The following AGBL4 variants were observed in gnomAD, a reference collection of about 807,000 sequenced individuals.
AGBL4 encodes the protein AGBL carboxypeptidase 4.
A neutral mutation model predicts 66.4 loss-of-function variants in AGBL4; 58 were observed. That is an observed-to-expected ratio of 0.87 (90% CI 0.71 to 1.09). The LOEUF (loss-of-function observed/expected upper bound fraction) is 1.09, where lower values mean the gene tolerates loss of function less well. Among genes scored for constraint, AGBL4 ranks in the 50% least tolerant of loss-of-function variants. AGBL4 has a pLI of 0.00. For synonymous variants in AGBL4, 234 were observed against 222.9 expected (o/e 1.05, Z -0.44); for missense variants, 579 against 631.0 (o/e 0.92, Z 0.88).
At chr1:49,734,830 A>C (rs1649735859) in intron 2 of AGBL4, among the ~76,000 whole-genome samples, 3 of 152,002 alleles carry the variant, frequency 2.0e-5, no homozygotes, top group Admixed American at 2.0e-4. Flanking sequence ...AAAAATAATA[A>C]TAATCATGGG....
chr1:49,573,146 CTGTGTG>C (rs57980631), intron 3 of AGBL4, among the ~76,000 whole-genome samples: 12,167 of 136,558 alleles, frequency 0.089, 566 homozygotes, highest in African/African-American at 0.15. Flanking sequence ...GTGTGTGTGT[CTGTGTG>C]TGTGTGTGTG....
chr1:49,379,320 C>T (rs1403382159), intron 3 of AGBL4, among the ~76,000 whole-genome samples: 1 of 152,110 alleles, frequency 6.6e-6, no homozygotes, highest in Non-Finnish European at 1.5e-5. Context: ...TCTTACCTCA[C>T]CAATTAGATA....
chr1:49,820,900 C>A (rs1645352941), intron 2 of AGBL4, among the ~76,000 whole-genome samples: 1 of 152,178 alleles, frequency 6.6e-6, no homozygotes, highest in Admixed American at 6.5e-5. Context: ...ATCTTAATTT[C>A]TTCAACTTCC....
At chr1:49,160,658 C>T (rs1353934933) in intron 4 of AGBL4, among the ~76,000 whole-genome samples, 1 of 152,180 alleles carries the variant, frequency 6.6e-6, no homozygotes, top group Non-Finnish European at 1.5e-5. Context: ...ACAGCCGCCC[C>T]TTCCCCCAGG....
chr1:49,591,961 G>A (rs1413454025), intron 3 of AGBL4, among the ~76,000 whole-genome samples: 4 of 152,072 alleles, frequency 2.6e-5, no homozygotes, highest in East Asian at 1.9e-4. Context: ...AGACTTAAAT[G>A]TAAAACATAA....
At chr1:49,928,811 G>C (rs567472473) in intron 1 of AGBL4, among the ~76,000 whole-genome samples, 1 of 151,510 alleles carries the variant, frequency 6.6e-6, no homozygotes, top group Non-Finnish European at 1.5e-5. Context: ...TCCCATTACC[G>C]GTATATCCTC....
chr1:49,178,672 A>T (rs1280068073), intron 4 of AGBL4, among the ~76,000 whole-genome samples: 1 of 152,182 alleles, frequency 6.6e-6, no homozygotes, highest in Non-Finnish European at 1.5e-5. Flanking sequence ...TTATGAGAAC[A>T]AGGACCATTC....
intron 5 of AGBL4, among the ~76,000 whole-genome samples, chr1:49,002,562 G>T (rs961759775): frequency 3.3e-5 from 5 of 152,164 alleles, no homozygotes; most frequent in South Asian, 2.1e-4. Context: ...AGGAGAGCAA[G>T]GGAGAGAACA....
chr1:49,652,710 T>C (rs1360005032), intron 3 of AGBL4, among the ~76,000 whole-genome samples: 1 of 152,130 alleles, frequency 6.6e-6, no homozygotes, highest in Non-Finnish European at 1.5e-5. Flanking sequence ...GCACAGCAGC[T>C]GGGACAGTTC....
At chr1:48,939,395 A>G (rs1655758350) in intron 5 of AGBL4, among the ~76,000 whole-genome samples, 1 of 152,210 alleles carries the variant, frequency 6.6e-6, no homozygotes. Flanking sequence ...CCTCTCCTTC[A>G]GTCCCGTTAA....
intron 1 of AGBL4, among the ~76,000 whole-genome samples, chr1:49,969,698 T>C (rs1301387383): frequency 6.6e-6 from 1 of 152,184 alleles, no homozygotes; most frequent in Non-Finnish European, 1.5e-5. Flanking sequence ...TCCTTCTCTT[T>C]TAAAAAGCTG....
intron 5 of AGBL4, among the ~76,000 whole-genome samples, chr1:48,883,019 A>G (rs1649942764): frequency 6.6e-6 from 1 of 152,196 alleles, no homozygotes; most frequent in African/African-American, 2.4e-5. Context: ...TCATCTGCTG[A>G]TGGACACTTA....
At chr1:49,261,543 T>A (rs1230739729) in intron 3 of AGBL4, among the ~76,000 whole-genome samples, 1 of 150,136 alleles carries the variant, frequency 6.7e-6, no homozygotes, top group Non-Finnish European at 1.5e-5. Flanking sequence ...AAATCATGAG[T>A]GAACTCCCAT....
chr1:48,570,557 A>G (rs770270104), intron 11 of AGBL4, among the ~76,000 whole-genome samples: 1 of 151,334 alleles, frequency 6.6e-6, no homozygotes, highest in Non-Finnish European at 1.5e-5. Context: ...TTTTTTTTTT[A>G]CTTGTAAGAT....
At chr1:48,767,758 G>A (rs1644600372) in intron 6 of AGBL4, among the ~76,000 whole-genome samples, 2 of 152,182 alleles carry the variant, frequency 1.3e-5, no homozygotes, top group Admixed American at 6.5e-5. Flanking sequence ...AAAAATAAAT[G>A]TGCAGCCTCT....
At chr1:49,055,034 G>T (rs951205881) in intron 4 of AGBL4, among the ~76,000 whole-genome samples, 3 of 151,922 alleles carry the variant, frequency 2.0e-5, no homozygotes, top group Non-Finnish European at 4.4e-5. Flanking sequence ...AAGCAAGAAA[G>T]AAATTGCACA....
chr1:49,731,247 C>G (rs888499015), intron 2 of AGBL4, among the ~76,000 whole-genome samples: 1 of 152,136 alleles, frequency 6.6e-6, no homozygotes, highest in African/African-American at 2.4e-5. Context: ...CTCCATCAAC[C>G]CCAGTATGGC....
At chr1:49,096,865 T>C (rs1340224713) in intron 4 of AGBL4, among the ~76,000 whole-genome samples, 1 of 149,638 alleles carries the variant, frequency 6.7e-6, no homozygotes, top group Non-Finnish European at 1.5e-5. Flanking sequence ...GTGAAGGCAA[T>C]GCAAAGACAG....
At chr1:48,905,020 C>G (rs935335888) in intron 5 of AGBL4, among the ~76,000 whole-genome samples, 4 of 152,286 alleles carry the variant, frequency 2.6e-5, no homozygotes, top group Non-Finnish European at 5.9e-5. Flanking sequence ...TAATTACAAT[C>G]CAATGGCTTA....
Sources: gnomAD v4.1 joint callset for allele counts (sites outside exome capture counted in the v4.1 genomes callset) on GRCh38, gnomAD v4.1.1 for gene constraint, MANE v1.5 for transcripts, NCBI Gene and HGNC (gene_info 2026-07-23, HGNC 2026-07-21) for gene names.